OSBP2: variants seen among roughly 807,000 people sequenced by gnomAD.
OSBP2 encodes oxysterol-binding protein 2.
A neutral mutation model predicts 96.0 loss-of-function variants in OSBP2; 66 were observed. The observed-to-expected ratio is 0.69, with a 90% CI of 0.56 to 0.84. The LOEUF (loss-of-function observed/expected upper bound fraction) is 0.84, where lower values mean the gene tolerates loss of function less well. Among genes scored for constraint, OSBP2 ranks in the 40% least tolerant of loss-of-function variants. The pLI, the probability that OSBP2 is intolerant of heterozygous loss-of-function variation, is 0.00. For synonymous variants in OSBP2, 525 were observed against 520.9 expected, an observed-to-expected ratio of 1.01 and a Z score of -0.11; for missense variants, 1,038 against 1,222.7, an observed-to-expected ratio of 0.85 and a Z score of 2.25.
Position 30,803,085 on chromosome 22 carries a change from A to AGGC in OSBP2, c.853+61732_853+61734dup, listed in dbSNP as rs570066052. On this transcript the variant is annotated intron_variant, in intron 2 of 13. Coordinates refer to ENST00000332585, the MANE Select transcript of OSBP2 (RefSeq NM_030758.4). ...ATGGACTGAGAGCGCGGCGGCGGGA[A>AGGC]GGCGGCGGCGGCGGCGGCAGCAGCA... is the stretch of plus-strand genomic sequence containing the variant. 3.2e-3 allele frequency: 669 copies of AGGC among 209,038 alleles called. 8 individuals carry two copies. Among genetic ancestry groups the AGGC allele is most frequent in the African/African-American group, 0.015 (638 of 42,060 alleles). The allele number at this position is 209,038 out of a possible 1,614,324, so 12.9% of individuals were successfully genotyped here.
chr22:30,774,198 A>G (rs1442243195), intron 2 of OSBP2, among the ~76,000 whole-genome samples: 1 of 152,192 alleles, frequency 6.6e-6, no homozygotes, highest in African/African-American at 2.4e-5. Flanking sequence ...CAAGCCCACC[A>G]ACTCCTCCAA....
intron 2 of OSBP2, among the ~76,000 whole-genome samples, chr22:30,842,471 A>G (rs1301123127): frequency 2.0e-5 from 3 of 152,062 alleles, no homozygotes; most frequent in Non-Finnish European, 4.4e-5. Flanking sequence ...ATAAGACAAC[A>G]CTGAAGTTTG....
chr22:30,796,033 T>C (rs544557448), intron 2 of OSBP2, among the ~76,000 whole-genome samples: 3 of 152,346 alleles, frequency 2.0e-5, no homozygotes, highest in Admixed American at 2.0e-4. Flanking sequence ...AAGTGGTTTC[T>C]CTCACTGGTT....
intron 2 of OSBP2, chr22:30,822,447 G>A: frequency 8.5e-7 from 1 of 1,177,764 alleles, no homozygotes; most frequent in Non-Finnish European, 1.1e-6. Flanking sequence ...CGCGGACGGG[G>A]TTAACGCGCT....
chr22:30,862,693 G>T (rs1188902841), intron 2 of OSBP2, among the ~76,000 whole-genome samples: 1 of 151,104 alleles, frequency 6.6e-6, no homozygotes, highest in African/African-American at 2.4e-5. Context: ...GAAAAAAAAG[G>T]CTAGGCGCGG....
At position 30,729,771 on chromosome 22, in the gene OSBP2, C is replaced by T. The variant is rs921696229; in HGVS notation, c.645-11390C>T. On this transcript the variant is annotated intron_variant, in intron 1 of 13. Transcript: ENST00000332585. ...CTGTAATCCCAGTACTTTGAGAGGC[C>T]GAGGCAGGTGGATCACAAGGTCAGG... Among the ~76,000 whole-genome samples, 29 of 151,398 alleles carry T rather than the reference C, an allele frequency of 1.9e-4. 4 individuals are homozygous for T. Among genetic ancestry groups the T allele is most frequent in the Admixed American group, 1.6e-3 (24 of 15,188 alleles).
rs531582459 is a variant in OSBP2, at chr22:30,904,058, G to A, written c.2376-1779G>A. On this transcript the variant is annotated intron_variant, in intron 12 of 13. Transcript: ENST00000332585. Reference sequence around the variant, plus strand: ...TAGGCTTTTGAGCTTGAACGCCCGCGTGTGAACAGATGAAAAATCCTTCAG... The same window carrying A: ...TAGGCTTTTGAGCTTGAACGCCCGCATGTGAACAGATGAAAAATCCTTCAG... Among the ~76,000 whole-genome samples the A allele has an allele frequency of 1.4e-3, 211 of 152,294 alleles. 1 individual carries two copies. The highest frequency in any genetic ancestry group is 4.8e-3 in the African/African-American group (198 of 41,558).
chr22:30,887,711 C>T, intron 4 of OSBP2, 93 bp downstream of exon 4: 6 of 1,137,964 alleles, frequency 5.3e-6, no homozygotes, highest in Non-Finnish European at 7.4e-6. Context: ...ACATCCCTGG[C>T]TGTGCCCACA....
chr22:30,858,071 G>C (rs5753349), intron 2 of OSBP2, among the ~76,000 whole-genome samples: 82,084 of 151,486 alleles, frequency 0.54, 22,451 homozygotes, highest in Middle Eastern at 0.63. Flanking sequence ...TCGCCAAGGG[G>C]GACCAATCAT....
At chr22:30,761,667 T>G (rs2090205977) in intron 2 of OSBP2, among the ~76,000 whole-genome samples, 1 of 152,196 alleles carries the variant, frequency 6.6e-6, no homozygotes. Flanking sequence ...GAGTAATTAC[T>G]CAATTTTAAG....
intron 2 of OSBP2, among the ~76,000 whole-genome samples, chr22:30,762,920 A>G (rs1318002312): frequency 1.3e-5 from 2 of 152,178 alleles, no homozygotes; most frequent in East Asian, 1.9e-4. Context: ...AGAAGCTTCA[A>G]TTCTGTGCTT....
At position 30,781,224 on chromosome 22, in the gene OSBP2, C is replaced by T. The variant is rs1388024764; in HGVS notation, c.853+39855C>T. 4.0e-5 allele frequency among the ~76,000 whole-genome samples: 6 copies of T among 151,544 alleles called. No individual in the cohort carries two copies. In the East Asian group the frequency reaches 1.2e-3, roughly 30 times the overall value. On this transcript the variant is annotated intron_variant, in intron 2 of 13. Transcript: ENST00000332585. ...CCTGAACTCCTGACCTCAGGTGATC[C>T]ACCCACCTCGGCCTCCCAAAGTGCT...
chr22:30,818,744 A>G (rs1477113516), intron 2 of OSBP2, among the ~76,000 whole-genome samples: 3 of 152,228 alleles, frequency 2.0e-5, no homozygotes, highest in South Asian at 2.1e-4. Context: ...TTCTGGTAGC[A>G]AGTGGAAGTG....
intron 2 of OSBP2, among the ~76,000 whole-genome samples, chr22:30,772,938 C>T (rs1260538050): frequency 2.7e-5 from 4 of 148,458 alleles, no homozygotes; most frequent in African/African-American, 7.5e-5. Context: ...GATTACAGGC[C>T]GCCTGCCACC....
At chr22:30,806,159 C>T (rs1175072308) in intron 2 of OSBP2, among the ~76,000 whole-genome samples, 1 of 152,190 alleles carries the variant, frequency 6.6e-6, no homozygotes, top group African/African-American at 2.4e-5. Context: ...GACTGAGGCT[C>T]AGACAGGTCG....
intron 2 of OSBP2, among the ~76,000 whole-genome samples, chr22:30,770,919 T>TC (rs758547772): frequency 3.0e-4 from 45 of 152,362 alleles, no homozygotes; most frequent in Middle Eastern, 3.4e-3. Flanking sequence ...CCTGGCCCGA[T>TC]CCAGCATGGT....
intron 2 of OSBP2, among the ~76,000 whole-genome samples, chr22:30,833,828 A>C (rs1433398233): frequency 6.6e-6 from 1 of 152,166 alleles, no homozygotes; most frequent in African/African-American, 2.4e-5. Flanking sequence ...AACCATGGTG[A>C]TATGATTATT....
upstream of OSBP2, chr22:30,693,848 C>G: frequency 1.9e-6 from 1 of 514,266 alleles, no homozygotes; most frequent in South Asian, 2.1e-5. Flanking sequence ...CCGTGGAATT[C>G]CAGCTACTAG....
chr22:30,731,416 T>G (rs1207348679), intron 1 of OSBP2: 1 of 152,362 alleles, frequency 6.6e-6, no homozygotes, highest in Non-Finnish European at 1.5e-5. Context: ...CTCAGAGCCA[T>G]CCGTGGAGGG....
Sources: gnomAD v4.1 joint callset for allele counts (sites outside exome capture counted in the v4.1 genomes callset) on GRCh38, gnomAD v4.1.1 for gene constraint, MANE v1.5 for transcripts, NCBI Gene and HGNC (gene_info 2026-07-23, HGNC 2026-07-21) for gene names.